The following IMMP2L variants were observed in gnomAD, a reference collection of about 807,000 sequenced individuals.
The protein encoded by IMMP2L is inner mitochondrial membrane peptidase subunit 2.
In IMMP2L, 18 loss-of-function variants were observed where a neutral mutation model predicts 19.3. The ratio of observed to expected loss-of-function variants is 0.93; its 90% confidence interval spans 0.64 to 1.38. The LOEUF is 1.38. Ranked by LOEUF, IMMP2L falls within the 40% of genes most tolerant of loss-of-function variation. IMMP2L has a pLI of 0.00. For missense variants in IMMP2L, 233 were observed against 218.2 expected (o/e 1.07, Z -0.43); for synonymous variants, 76 against 73.0 (o/e 1.04, Z -0.21).
At chr7:111,088,929 C>T (rs911789697) in intron 3 of IMMP2L, among the ~76,000 whole-genome samples, 1 of 152,064 alleles carries the variant, frequency 6.6e-6, no homozygotes, top group Non-Finnish European at 1.5e-5. Flanking sequence ...TCCTTTTCAT[C>T]CAAAGCCAGA....
In IMMP2L at chr7:111,145,252, A is replaced by G. The variant is rs549597708; in HGVS notation, c.240-181687T>C. 7.2e-5 allele frequency among the ~76,000 whole-genome samples: 11 copies of G among 152,296 alleles called. No individual in the cohort carries two copies. In the East Asian group the frequency reaches 2.1e-3, roughly 29 times the overall value. ...GAAGCAGCTTTGTGAACATATGCAC[A>G]TAAGTCAAAAGGGAATATGTGTAGT... On this transcript the variant is annotated intron_variant, in intron 3 of 5. Coordinates refer to ENST00000405709, the MANE Select transcript of IMMP2L (RefSeq NM_032549.4).
Position 111,161,713 on chromosome 7 carries a change from A to T in IMMP2L, c.240-198148T>A, listed in dbSNP as rs1805281931. Among the ~76,000 whole-genome samples the T allele has an allele frequency of 1.3e-5, 2 of 151,998 alleles. 1 individual carries two copies. The highest frequency in any genetic ancestry group is 1.3e-4 in the Admixed American group (2 of 15,242). ...TATGCTAAACAAGTGTATTGTATGG[A>T]GTAACAGTATTAAATACCAATTTGC... On this transcript the variant is annotated intron_variant, in intron 3 of 5. Coordinates refer to ENST00000405709, the MANE Select transcript of IMMP2L (RefSeq NM_032549.4).
At chr7:110,763,114 G>C (rs1295726325) in intron 5 of IMMP2L, among the ~76,000 whole-genome samples, 2 of 152,004 alleles carry the variant, frequency 1.3e-5, no homozygotes, top group South Asian at 2.1e-4. Context: ...ATCCACATTG[G>C]GTTTCTTTCC....
Position 110,698,992 on chromosome 7 carries a change from G to A in IMMP2L, c.409-35271C>T, listed in dbSNP as rs953645580. Reference sequence around the variant, plus strand: ...CAATGAAGGGTGAGGTGCTTTGACAGCTGTCAGCGGAGTGTCAAACAGACT... The same window carrying A: ...CAATGAAGGGTGAGGTGCTTTGACAACTGTCAGCGGAGTGTCAAACAGACT... On this transcript the variant is annotated intron_variant, in intron 5 of 5. Coordinates refer to ENST00000405709, the MANE Select transcript of IMMP2L (RefSeq NM_032549.4). Among the ~76,000 whole-genome samples the A allele has an allele frequency of 3.9e-5, 6 of 152,154 alleles. No homozygotes were observed. In the East Asian group the frequency reaches 5.8e-4, roughly 15 times the overall value.
chr7:111,117,450 G>A (rs1800026885), intron 3 of IMMP2L, among the ~76,000 whole-genome samples: 1 of 151,982 alleles, frequency 6.6e-6, no homozygotes, highest in Non-Finnish European at 1.5e-5. Flanking sequence ...TTTTCTTTCG[G>A]TGTATCAATT....
intron 5 of IMMP2L, among the ~76,000 whole-genome samples, chr7:110,726,163 AG>A (rs1016200947): frequency 4.0e-4 from 61 of 152,342 alleles, no homozygotes; most frequent in African/African-American, 1.4e-3. Context: ...GACCATTAAC[AG>A]GCCAACCCAA....
chr7:111,257,281 A>G (rs188926826), intron 3 of IMMP2L, among the ~76,000 whole-genome samples: 1 of 152,116 alleles, frequency 6.6e-6, no homozygotes, highest in Non-Finnish European at 1.5e-5. Context: ...GTGTTATTCA[A>G]TTACTGTGTT....
At chr7:111,355,673 A>T (rs1266673110) in intron 3 of IMMP2L, among the ~76,000 whole-genome samples, 1 of 151,972 alleles carries the variant, frequency 6.6e-6, no homozygotes, top group East Asian at 1.9e-4. Flanking sequence ...GTTGTTCATG[A>T]GTAATCTTTT....
intron 5 of IMMP2L, among the ~76,000 whole-genome samples, chr7:110,865,430 C>T (rs915333625): frequency 2.0e-5 from 3 of 152,038 alleles, no homozygotes; most frequent in Non-Finnish European, 2.9e-5. Context: ...TACATTTCAT[C>T]AACATTTACT....
chr7:111,030,176 T>G (rs2129568591), intron 3 of IMMP2L, among the ~76,000 whole-genome samples: 1 of 152,292 alleles, frequency 6.6e-6, no homozygotes, highest in African/African-American at 2.4e-5. Context: ...GGATTGAACC[T>G]ATTGCATCTA....
chr7:111,221,330 T>C (rs1270080840), intron 3 of IMMP2L, among the ~76,000 whole-genome samples: 1 of 152,074 alleles, frequency 6.6e-6, no homozygotes, highest in Non-Finnish European at 1.5e-5. Context: ...TTTAAAAATA[T>C]GTATTAGAAA....
chr7:111,167,581 A>T (rs969283384), intron 3 of IMMP2L, among the ~76,000 whole-genome samples: 1 of 151,920 alleles, frequency 6.6e-6, no homozygotes, highest in South Asian at 2.1e-4. Flanking sequence ...AAACAAATGG[A>T]TTGTTGCAGT....
intron 3 of IMMP2L, among the ~76,000 whole-genome samples, chr7:111,194,132 C>A (rs1389856324): frequency 6.6e-6 from 1 of 152,150 alleles, no homozygotes; most frequent in South Asian, 2.1e-4. Context: ...TGGGGCACAG[C>A]CCTCTGGGAA....
chr7:110,822,209 C>A (rs1361015085), intron 5 of IMMP2L, among the ~76,000 whole-genome samples: 1 of 152,058 alleles, frequency 6.6e-6, no homozygotes, highest in Non-Finnish European at 1.5e-5. Flanking sequence ...AAAACTCTTC[C>A]TTTCTTTCCT....
intron 3 of IMMP2L, among the ~76,000 whole-genome samples, chr7:111,121,178 C>G (rs1162400453): frequency 6.6e-6 from 1 of 152,152 alleles, no homozygotes; most frequent in African/African-American, 2.4e-5. Flanking sequence ...AAGGACATAT[C>G]CTTCGCCCAC....
At chr7:111,113,996 T>C (rs1260415138) in intron 3 of IMMP2L, among the ~76,000 whole-genome samples, 5 of 152,268 alleles carry the variant, frequency 3.3e-5, no homozygotes, top group African/African-American at 1.2e-4. Flanking sequence ...TAAGGCCTAA[T>C]TAAATCCCTC....
intron 5 of IMMP2L, among the ~76,000 whole-genome samples, chr7:110,876,063 A>C (rs1809033526): frequency 6.6e-6 from 1 of 152,184 alleles, no homozygotes; most frequent in Non-Finnish European, 1.5e-5. Context: ...AAATATTTTT[A>C]ATTAAAACAT....
At chr7:111,496,152 T>G (rs545031280) in intron 2 of IMMP2L, among the ~76,000 whole-genome samples, 4 of 152,216 alleles carry the variant, frequency 2.6e-5, no homozygotes, top group Non-Finnish European at 5.9e-5. Flanking sequence ...ATGTCACACC[T>G]TTGAAAGAAT....
At chr7:111,469,191 T>C (rs1382882229) in intron 3 of IMMP2L, among the ~76,000 whole-genome samples, 2 of 152,184 alleles carry the variant, frequency 1.3e-5, no homozygotes, top group Non-Finnish European at 2.9e-5. Context: ...GGTAGCGTGA[T>C]GCCTCCAGCT....
Sources: allele counts gnomAD v4.1 joint callset (sites outside exome capture counted in the v4.1 genomes callset), GRCh38; gene constraint gnomAD v4.1.1; transcripts MANE v1.5; gene names NCBI Gene and HGNC (gene_info 2026-07-23, HGNC 2026-07-21).